C16orf96: variants seen among roughly 807,000 people sequenced by gnomAD.
C16orf96 encodes chromosome 16 open reading frame 96, also known as uncharacterized protein C16orf96.
A neutral mutation model predicts 103.6 loss-of-function variants in C16orf96; 108 were observed. The ratio of observed to expected loss-of-function variants is 1.04; its 90% CI spans 0.89 to 1.22. The LOEUF (loss-of-function observed/expected upper bound fraction) is 1.22, where lower values mean the gene tolerates loss of function less well. C16orf96 is among the 50% of genes most tolerant of loss of function. The probability of loss-of-function intolerance (pLI) is 0.00; values close to 1 mark genes in which losing one functional copy is unlikely to be tolerated. For missense variants in C16orf96, 1,586 were observed against 1,464.2 expected (o/e 1.08, Z -1.36); for synonymous variants, 566 against 593.5 (o/e 0.95, Z 0.67).
chr16:4,567,844 C>T (rs1029635515), intron 1 of C16orf96, among the ~76,000 whole-genome samples: 18 of 151,402 alleles, frequency 1.2e-4, no homozygotes, highest in East Asian at 1.2e-3. Context: ...ACTACAGGCA[C>T]GCACCACCAC....
At chr16:4,592,239 G>C in intron 10 of C16orf96, 66 bp from the exon 11 acceptor site, 4 of 1,544,622 alleles carry the variant, frequency 2.6e-6, no homozygotes, top group Admixed American at 2.0e-5. Flanking sequence ...GCTCTGGCTG[G>C]CTGCAGCCTC....
intron 6 of C16orf96, among the ~76,000 whole-genome samples, chr16:4,579,537 G>C (rs1469083216): frequency 3.1e-5 from 4 of 129,212 alleles, no homozygotes; most frequent in African/African-American, 1.2e-4. Flanking sequence ...CTGGGTGACA[G>C]AGCAAGGCCC....
At chr16:4,565,258 A>C (rs940521322) in intron 1 of C16orf96, among the ~76,000 whole-genome samples, 1 of 152,110 alleles carries the variant, frequency 6.6e-6, no homozygotes, top group Non-Finnish European at 1.5e-5. Context: ...TCGGGGACGC[A>C]CTTTCCCTTG....
chr16:4,555,219 C>T (rs1471969197), upstream of C16orf96, among the ~76,000 whole-genome samples: 7 of 150,816 alleles, frequency 4.6e-5, no homozygotes, highest in Admixed American at 1.3e-4. Flanking sequence ...GCGGAGATCG[C>T]GCCACTGCAC....
At chr16:4,558,661 T>A (rs2059293772) in intron 1 of C16orf96, among the ~76,000 whole-genome samples, 2 of 151,880 alleles carry the variant, frequency 1.3e-5, no homozygotes, top group Admixed American at 1.3e-4. Flanking sequence ...ACACCTGTAA[T>A]CCCAGCATTT....
chr16:4,584,365 T>TTTTTTTTTTTTTTTG (rs1896866794), intron 7 of C16orf96, among the ~76,000 whole-genome samples: 2 of 144,928 alleles, frequency 1.4e-5, no homozygotes, highest in Non-Finnish European at 3.0e-5. Flanking sequence ...TTTTTTTTTT[T>TTTTTTTTTTTTTTTG]GAGATACAGT....
At chr16:4,545,562 T>G in the C16orf96 span, among the ~76,000 whole-genome samples, 1 of 152,092 alleles carries the variant, frequency 6.6e-6, no homozygotes, top group Non-Finnish European at 1.5e-5. Flanking sequence ...TGTCCAAATT[T>G]CACAACCCCC....
chr16:4,593,442 C>A lies in C16orf96; in HGVS notation c.2867+126C>A. The A allele has an allele frequency of 1.1e-6, 1 of 940,616 alleles. No homozygotes were observed. The highest frequency in any genetic ancestry group is 1.6e-6 in the Non-Finnish European group (1 of 624,188). The allele number at this position is 940,616 out of a possible 1,614,324, so 58.3% of individuals were successfully genotyped here. ...GACCTAAGATTGTCCTGGACATGGC[C>A]AGCCCTTCGCAAGACAGGCACTCCG... On this transcript the variant is annotated intron_variant, in intron 12 of 15. Transcript: ENST00000444310. The surrounding 1 kb of genome is among the most constrained non-coding windows in gnomAD (Gnocchi z 4.2).
intron 5 of C16orf96, 120 bp from the exon 6 acceptor site, chr16:4,578,820 C>G: frequency 1.8e-6 from 1 of 558,696 alleles, no homozygotes; most frequent in Non-Finnish European, 3.2e-6. Flanking sequence ...GCTGCGAGGC[C>G]CAGTGCATTT....
At chr16:4,562,804 T>C (rs2059345831) in intron 1 of C16orf96, 24 of 1,267,390 alleles carry the variant, frequency 1.9e-5, no homozygotes, top group Non-Finnish European at 2.6e-5. Flanking sequence ...TTTATATGGC[T>C]CGAATTTTAC....
chr16:4,548,637 C>G, the C16orf96 span, among the ~76,000 whole-genome samples: 1 of 152,152 alleles, frequency 6.6e-6, no homozygotes, highest in African/African-American at 2.4e-5. Context: ...CTCTGGGAGG[C>G]CAAGGCAGGT....
chr16:4,581,086 T>G lies in C16orf96; in HGVS notation c.2352+961T>G, dbSNP rs1203550626. On this transcript the variant is annotated intron_variant, in intron 7 of 15. Coordinates refer to ENST00000444310, the MANE Select transcript of C16orf96 (RefSeq NM_001145011.2). ...TTGCGGTGAGCCCCGATCGTGCCAT[T>G]GCACTCCAGCTTGGGTAACAAGAGC... Among the ~76,000 whole-genome samples, 12 of 143,190 alleles carry G rather than the reference T, an allele frequency of 8.4e-5. 1 individual carries two copies. The allele number at this position is 143,190 out of a possible 152,430, so 93.9% of individuals were successfully genotyped here. A position where few individuals can be genotyped will look rare whatever the true frequency, so the allele number is the denominator to read the frequency against.
chr16:4,573,701 G>A (rs1172320827), intron 2 of C16orf96, among the ~76,000 whole-genome samples: 9 of 129,216 alleles, frequency 7.0e-5, no homozygotes, highest in Admixed American at 4.8e-4. Context: ...GCAGTGAGCC[G>A]AGATCACACC....
In C16orf96 at chr16:4,569,463, C is replaced by G. The variant is rs145723226; in HGVS notation, c.421-2098C>G. ...CTTCCTACTTAGCCCTTTAGAAATGCAAAGAGAGGCCTGGTGAGTTGGCTC... is the reference window on the plus strand; with the variant it reads ...CTTCCTACTTAGCCCTTTAGAAATGGAAAGAGAGGCCTGGTGAGTTGGCTC... On this transcript the variant is annotated intron_variant, in intron 1 of 15. Transcript: ENST00000444310. 6.5e-3 allele frequency among the ~76,000 whole-genome samples: 993 copies of G among 152,050 alleles called. 16 individuals are homozygous for G. Among genetic ancestry groups the G allele is most frequent in the African/African-American group, 0.021 (889 of 41,488 alleles).
rs1470646575 is a variant in C16orf96, at chr16:4,562,975, C to T, written c.420+6066C>T. ...AGCACTTTGCCTTTAAAATCTTGAA[C>T]GCCAACGTACCTCATTTTCCCAATC... On this transcript the variant is annotated intron_variant, in intron 1 of 15. Transcript: ENST00000444310. 1.8e-5 allele frequency: 23 copies of T among 1,245,032 alleles called. 1 individual carries two copies. The highest frequency in any genetic ancestry group is 1.6e-4 in the Admixed American group (9 of 55,694). 77.1% of individuals were successfully genotyped at this position (1,245,032 alleles called of 1,614,324 possible).
At chr16:4,585,502 A>T (rs1896903760) in intron 7 of C16orf96, among the ~76,000 whole-genome samples, 1 of 152,172 alleles carries the variant, frequency 6.6e-6, no homozygotes, top group South Asian at 2.1e-4. Context: ...AGAGGAGGTA[A>T]CAGAGACTCA....
At chr16:4,577,541 C>T (rs981320632) in intron 5 of C16orf96, among the ~76,000 whole-genome samples, 2 of 152,132 alleles carry the variant, frequency 1.3e-5, no homozygotes, top group African/African-American at 4.8e-5. Context: ...GTCCCAGCTA[C>T]TCAGGAGGCT....
At chr16:4,577,455 C>G (rs1296372906) in intron 5 of C16orf96, among the ~76,000 whole-genome samples, 1 of 150,692 alleles carries the variant, frequency 6.6e-6, no homozygotes, top group Non-Finnish European at 1.5e-5. Context: ...CGGAGACCAT[C>G]CTGGCTGACA....
chr16:4,574,916 G>C (rs1200157165), intron 3 of C16orf96, 56 bp from the exon 4 acceptor site: 3 of 1,529,254 alleles, frequency 2.0e-6, no homozygotes, highest in Non-Finnish European at 2.7e-6. Flanking sequence ...TTGCAGGTGT[G>C]GGGGACACTG....
Sources: gnomAD v4.1 joint callset for allele counts (sites outside exome capture counted in the v4.1 genomes callset) on GRCh38, gnomAD v4.1.1 for gene constraint, Gnocchi (gnomAD v3.1) non-coding constraint, MANE v1.5 for transcripts, NCBI Gene and HGNC (gene_info 2026-07-23, HGNC 2026-07-21) for gene names.